SAMD8: variants seen among roughly 807,000 people sequenced by gnomAD.
The protein encoded by SAMD8 is sterile alpha motif domain containing 8.
Under a neutral mutation model 42.0 loss-of-function variants are expected in SAMD8, and 20 were observed. The observed-to-expected ratio is 0.48, with a 90% CI of 0.34 to 0.69. SAMD8 has a LOEUF of 0.69. Ranked by LOEUF, SAMD8 falls within the 30% of genes least tolerant of loss-of-function variation. The probability of loss-of-function intolerance (pLI) is 0.01; values close to 1 mark genes in which losing one functional copy is unlikely to be tolerated. For synonymous variants in SAMD8, 162 were observed against 173.0 expected (o/e 0.94, Z 0.50); for missense variants, 328 against 511.6 (o/e 0.64, Z 3.46).
intron 1 of SAMD8, among the ~76,000 whole-genome samples, chr10:75,146,342 T>A (rs1208330348): frequency 7.4e-6 from 1 of 135,538 alleles, no homozygotes; most frequent in Non-Finnish European, 1.5e-5. Flanking sequence ...TGGAGTGCAA[T>A]GGCACGATCT....
chr10:75,133,721 A>G (rs1849323714), intron 1 of SAMD8, among the ~76,000 whole-genome samples: 1 of 152,214 alleles, frequency 6.6e-6, no homozygotes, highest in East Asian at 1.9e-4. Context: ...AAAGACAAAT[A>G]CTACATGATC....
chr10:75,133,073 G>T (rs770470789), intron 1 of SAMD8, among the ~76,000 whole-genome samples: 9 of 152,022 alleles, frequency 5.9e-5, no homozygotes, highest in Non-Finnish European at 1.5e-5. Context: ...TGTAAATACA[G>T]CCATTATGGA....
At chr10:75,146,409 C>G (rs1193642270) in intron 1 of SAMD8, among the ~76,000 whole-genome samples, 1 of 151,100 alleles carries the variant, frequency 6.6e-6, no homozygotes, top group Non-Finnish European at 1.5e-5. Context: ...CTCAGCCTCC[C>G]AAGTAGCTGG....
rs1385445044 is a variant in SAMD8 at position 75,150,688 on chromosome 10, T to G, written c.160T>G (p.Ser54Ala). The change falls in exon 2 of 6, where the codon TCT (serine) becomes GCT (alanine). Residue 54 changes from serine to alanine, a missense_variant. Physicochemically the swap from Ser to Ala is moderately conservative, Grantham distance 99. Transcript: ENST00000542569. ...LLTLTEYDLR[S>A]PPLEIKVLGD... ...AACATTGACTGAATATGATCTCCGG[T>G]CTCCTCCTCTGGAAATCAAAGTCTT... The G allele has an allele frequency of 6.2e-7, 1 of 1,613,980 alleles. No homozygotes were observed. Among genetic ancestry groups the G allele is most frequent in the Non-Finnish European group, 8.5e-7 (1 of 1,180,028 alleles).
intron 1 of SAMD8, among the ~76,000 whole-genome samples, chr10:75,115,971 A>G (rs533771351): frequency 3.3e-5 from 5 of 151,928 alleles, no homozygotes; most frequent in African/African-American, 1.2e-4. Context: ...ACTATTAACT[A>G]AGAAAAACTT....
At chr10:75,166,208 T>G (rs1306696746) in intron 3 of SAMD8, among the ~76,000 whole-genome samples, 1 of 151,814 alleles carries the variant, frequency 6.6e-6, no homozygotes, top group Admixed American at 6.6e-5. Flanking sequence ...CCAGGAAAAA[T>G]TTTTTAATTA....
At chr10:75,166,014 A>G (rs2132201705) in intron 3 of SAMD8, among the ~76,000 whole-genome samples, 1 of 151,026 alleles carries the variant, frequency 6.6e-6, no homozygotes, top group East Asian at 1.9e-4. Flanking sequence ...ATTATTTTGT[A>G]CAACATGTAC....
chr10:75,132,599 T>C (rs911634128), intron 1 of SAMD8, among the ~76,000 whole-genome samples: 8 of 152,172 alleles, frequency 5.3e-5, no homozygotes, highest in African/African-American at 1.9e-4. Context: ...GTGAAGAATT[T>C]GTAATAAAGT....
intron 1 of SAMD8, among the ~76,000 whole-genome samples, chr10:75,115,936 G>A (rs371133657): frequency 2.7e-4 from 33 of 124,348 alleles, no homozygotes; most frequent in African/African-American, 9.6e-4. Flanking sequence ...GCGAGACTCC[G>A]TCTCAAAAAA....
chr10:75,135,705 A>G (rs1046496652), intron 1 of SAMD8, among the ~76,000 whole-genome samples: 3 of 151,708 alleles, frequency 2.0e-5, no homozygotes, highest in African/African-American at 4.8e-5. Flanking sequence ...GGGCGCCTGT[A>G]GTCCCAGCTA....
chr10:75,130,344 A>G (rs1355333389), intron 1 of SAMD8, among the ~76,000 whole-genome samples: 2 of 152,014 alleles, frequency 1.3e-5, no homozygotes, highest in Non-Finnish European at 2.9e-5. Flanking sequence ...TCTACTAAAA[A>G]TACAAAAAAA....
intron 1 of SAMD8, among the ~76,000 whole-genome samples, chr10:75,121,872 AAT>A (rs1479421537): frequency 6.6e-6 from 1 of 151,978 alleles, no homozygotes; most frequent in Non-Finnish European, 1.5e-5. Context: ...TTGTATTTTT[AAT>A]AGAGACAGCA....
chr10:75,161,202 GTTT>G (rs1188022599), intron 2 of SAMD8, among the ~76,000 whole-genome samples: 2 of 152,186 alleles, frequency 1.3e-5, no homozygotes, highest in East Asian at 3.8e-4. Flanking sequence ...GAGCTGCCAT[GTTT>G]TAAAGAGGAT....
chr10:75,111,665 C>G lies in SAMD8; in HGVS notation c.-73C>G. 1 of 1,239,838 alleles carries G rather than the reference C, an allele frequency of 8.1e-7. No individual in the cohort carries two copies. The highest frequency in any genetic ancestry group is 1.0e-6 in the Non-Finnish European group (1 of 992,224). 76.8% of individuals were successfully genotyped at this position (1,239,838 alleles called of 1,614,324 possible). On this transcript the variant is annotated 5_prime_UTR_variant, in exon 1 of 6. Coordinates refer to ENST00000542569, the MANE Select transcript of SAMD8 (RefSeq NM_001174156.2). ...AGGCGGGGAGGGCCCCGGACTCCGACGGCGGCTCGGACGCCGACTCGGAGG... is the reference window on the plus strand; with the variant it reads ...AGGCGGGGAGGGCCCCGGACTCCGAGGGCGGCTCGGACGCCGACTCGGAGG...
rs544116196 is a variant in SAMD8, at chr10:75,144,109, AGGC to A, written c.-15-6404_-15-6402del. On this transcript the variant is annotated intron_variant, in intron 1 of 5. Transcript: ENST00000542569. ...CAGCCTCCAGAGTAGCTGGGATTAC[AGGC>A]ACCCGCCACCATGCCAGGCTCTTTT... Among the ~76,000 whole-genome samples, 44 of 151,852 alleles carry A rather than the reference AGGC, an allele frequency of 2.9e-4. 2 individuals are homozygous for A. The South Asian group carries it at 8.9e-3, about 31-fold the overall frequency.
intron 4 of SAMD8, among the ~76,000 whole-genome samples, chr10:75,170,770 G>GTTTTTT (rs34290557): frequency 1.9e-5 from 2 of 105,218 alleles, no homozygotes; most frequent in Non-Finnish European, 3.6e-5. Flanking sequence ...GTTTTTTTGG[G>GTTTTTT]TTTTTTTTTT....
intron 1 of SAMD8, among the ~76,000 whole-genome samples, chr10:75,131,282 G>T (rs185625259): frequency 1.4e-4 from 22 of 152,262 alleles, no homozygotes; most frequent in African/African-American, 5.1e-4. Flanking sequence ...CTTCTGGTTT[G>T]TATAACATTG....
At chr10:75,126,915 C>T (rs1412194582) in intron 1 of SAMD8, among the ~76,000 whole-genome samples, 3 of 150,258 alleles carry the variant, frequency 2.0e-5, no homozygotes, top group Non-Finnish European at 4.4e-5. Context: ...AGGCTGCGCA[C>T]GGTGGCTCAC....
chr10:75,179,956 A>G lies in SAMD8; in HGVS notation c.*3264A>G, dbSNP rs1390995862. On this transcript the variant is annotated 3_prime_UTR_variant, in exon 6 of 6. Transcript: ENST00000542569. ...GGTTTGGGGATGCAAACTGGAGGTTATGTTACAAGTCTTCAATGCATTTTC... is the reference window on the plus strand; with the variant it reads ...GGTTTGGGGATGCAAACTGGAGGTTGTGTTACAAGTCTTCAATGCATTTTC... The G allele has an allele frequency of 6.6e-6, 1 of 151,766 alleles. No homozygotes were observed. Among genetic ancestry groups the G allele is most frequent in the African/African-American group, 2.4e-5 (1 of 41,290 alleles). 9.4% of individuals were successfully genotyped at this position (151,766 alleles called of 1,614,324 possible).
Sources: gnomAD v4.1 joint callset for allele counts (sites outside exome capture counted in the v4.1 genomes callset) on GRCh38, gnomAD v4.1.1 for gene constraint, MANE v1.5 for transcripts, NCBI Gene and HGNC (gene_info 2026-07-23, HGNC 2026-07-21) for gene names.